PLEC: variants seen among roughly 807,000 people sequenced by gnomAD.
The protein encoded by PLEC is plectin.
A neutral mutation model predicts 392.8 loss-of-function variants in PLEC; 216 were observed. That is an observed-to-expected ratio of 0.55 (90% CI 0.49 to 0.62). The LOEUF is 0.62. PLEC is among the 20% of genes least tolerant of loss of function. PLEC has a pLI of 0.00. For missense variants in PLEC, 6,863 were observed against 6,563.4 expected, an observed-to-expected ratio of 1.05 and a Z score of -1.58; for synonymous variants, 3,621 against 2,980.6, an observed-to-expected ratio of 1.21 and a Z score of -7.00.
chr8:143,938,598 C>T (rs1177335985), intron 2 of PLEC, 33 bp downstream of exon 2: 3 of 1,608,184 alleles, frequency 1.9e-6, no homozygotes, highest in Non-Finnish European at 2.6e-6. Flanking sequence ...ACAGCCTCAG[C>T]CCCTGTGACA....
Position 143,917,674 on chromosome 8 carries a change from C to G in PLEC, c.12147G>C (p.Thr4049=), listed in dbSNP as rs376460999. Residue 4049 remains threonine, a synonymous_variant, in exon 32 of 32, where the codon ACG becomes ACC. Transcript: ENST00000345136. ...TCTCCTCAGGGTCGATGATGCCGCC[C>G]GTGGCGATCTGGGCCTCCAGCAGGC... ...GIRLLEAQIA[T]GGIIDPEESH... 2.5e-6 allele frequency: 4 copies of G among 1,613,624 alleles called. No homozygotes were observed. The highest frequency in any genetic ancestry group is 3.4e-6 in the Non-Finnish European group (4 of 1,180,034).
At chr8:143,963,690 T>A (rs930373618) in intron 1 of PLEC, among the ~76,000 whole-genome samples, 19 of 152,108 alleles carry the variant, frequency 1.2e-4, no homozygotes, top group Non-Finnish European at 2.8e-4. Flanking sequence ...GTTGTTCTTG[T>A]TTTTTTCAAG....
chr8:143,934,622 C>T lies in PLEC; in HGVS notation c.1041+13G>A, dbSNP rs782080343. On this transcript the variant is annotated intron_variant, in intron 10 of 31. Transcript: ENST00000345136. ...TCCAGGACACCACCCACCCCTCCAG[C>T]GGTCCCACTCACCTCCAGGGATTGG... 2.5e-5 allele frequency: 40 copies of T among 1,610,994 alleles called. No individual in the cohort carries two copies. The highest frequency in any genetic ancestry group is 2.4e-4 in the African/African-American group (18 of 74,902).
At position 143,950,363 on chromosome 8, in the gene PLEC, TG is replaced by T. The variant is rs782040592; in HGVS notation, c.343del (p.His115ThrfsTer138). The T allele has an allele frequency of 1.0e-5, 16 of 1,590,088 alleles. No individual in the cohort carries two copies. Among genetic ancestry groups the T allele is most frequent in the Admixed American group, 5.4e-5 (3 of 55,316 alleles). ...CAGGGGACCCTGCACAGCCTGCACG[TG>T]GGGGGTGCGGCGTGCGGGCATCACC... On this transcript the variant is annotated frameshift_variant, in exon 1 of 32. Transcript: ENST00000322810. LOFTEE classifies it high-confidence loss of function.
upstream of PLEC, chr8:143,975,445 C>T: frequency 1.5e-6 from 2 of 1,345,410 alleles, no homozygotes; most frequent in South Asian, 2.4e-5. The surrounding 1 kb of genome is among the most constrained non-coding windows in gnomAD (Gnocchi z 9.9). Context: ...GACCCACCCA[C>T]CACCTTCTTA....
chr8:143,925,941 G>T, intron 30 of PLEC, 57 bp from the exon 31 acceptor site: 1 of 1,498,048 alleles, frequency 6.7e-7, no homozygotes, highest in South Asian at 1.2e-5. Context: ...ACGGGCAGGC[G>T]CTGACGGGGC....
chr8:143,922,868 G>A lies in PLEC; in HGVS notation c.7061C>T (p.Ala2354Val), dbSNP rs370003608. 6.1e-5 allele frequency: 97 copies of A among 1,579,964 alleles called. No homozygotes were observed. In the African/African-American group the frequency reaches 7.6e-4, roughly 12 times the overall value. The change falls in exon 31 of 32, where the codon GCG becomes GTG. Residue 2354 changes from alanine (A) to valine (V), a missense_variant. Transcript: ENST00000345136. ...CTGCGTCTCCTCCGCCAGCTGCTGC[G>A]CCATCTGCTCCTTGTCCTCCTGCAG... ...RRLQEDKEQM[A>V]QQLAEETQGF...
upstream of PLEC, among the ~76,000 whole-genome samples, chr8:143,944,123 C>T (rs552291853): frequency 6.5e-4 from 99 of 152,254 alleles, no homozygotes; most frequent in African/African-American, 2.3e-3. Context: ...CCCTCGCTCC[C>T]CACCCGGCCG....
At position 143,923,194 on chromosome 8, in the gene PLEC, T is replaced by C. The variant is rs149976076; in HGVS notation, c.6735A>G (p.Ala2245=). 16 of 1,602,700 alleles carry C rather than the reference T, an allele frequency of 1.0e-5. No individual in the cohort carries two copies. The East Asian group carries it at 3.6e-4, about 36-fold the overall frequency. Residue 2245 remains alanine, a synonymous_variant, in exon 31 of 32, where the codon GCA becomes GCG. Coordinates refer to ENST00000345136, the MANE Select transcript of PLEC (RefSeq NM_201384.3). ...GTGCGCGGTTCTCAGCCTCGATGCG[T>C]GCCTTGAGCTTGCTCAGCTCCTCCA... is the stretch of plus-strand genomic sequence containing the variant. ...VQMEELSKLK[A]RIEAENRALI...
intron 1 of PLEC, among the ~76,000 whole-genome samples, chr8:143,947,199 C>G (rs1472354100): frequency 6.6e-6 from 1 of 152,234 alleles, no homozygotes; most frequent in East Asian, 1.9e-4. Flanking sequence ...TCCTCCTTGA[C>G]GCAGGGCCAC....
upstream of PLEC, chr8:143,942,428 G>A: frequency 1.2e-6 from 2 of 1,605,014 alleles, no homozygotes; most frequent in Non-Finnish European, 1.7e-6. Context: ...TAGCCCCTGC[G>A]GGCCGGCTCG....
chr8:143,927,058 C>T lies in PLEC; in HGVS notation c.3864G>A (p.Thr1288=), dbSNP rs528663645. ...AIKDYELQLV[T]YKAQLEPVAS... ...CCACCGGCTCAAGCTGCGCCTTGTA[C>T]GTCACCAGCTGGAGTTCATAGTCCT... is the stretch of plus-strand genomic sequence containing the variant. The change falls in exon 29 of 32, where the codon ACG becomes ACA. Residue 1288 remains threonine (T), a synonymous_variant. Coordinates refer to ENST00000345136, the MANE Select transcript of PLEC (RefSeq NM_201384.3). The T allele has an allele frequency of 2.2e-5, 36 of 1,611,630 alleles. No individual in the cohort carries two copies. The highest frequency in any genetic ancestry group is 1.8e-4 in the East Asian group (8 of 44,878).
At chr8:143,953,648 C>G, upstream of PLEC, 1 of 1,480,522 alleles carries the variant, frequency 6.8e-7, no homozygotes, top group Non-Finnish European at 9.3e-7. Context: ...CTGCCCGCCA[C>G]CCTGCGTGGA....
chr8:143,948,093 G>A (rs555349292), intron 1 of PLEC, among the ~76,000 whole-genome samples: 4 of 152,366 alleles, frequency 2.6e-5, no homozygotes, highest in African/African-American at 9.6e-5. Context: ...GTGGACGGAT[G>A]GCTTCCCACA....
Position 143,919,800 on chromosome 8 carries a change from G to C in PLEC, c.10021C>G (p.Leu3341Val). 6.2e-7 allele frequency: 1 copy of C among 1,612,924 alleles called. No individual in the cohort carries two copies. Among genetic ancestry groups the C allele is most frequent in the Non-Finnish European group, 8.5e-7 (1 of 1,179,954 alleles). Residue 3341 changes from leucine (L) to valine (V), a missense_variant, in exon 32 of 32, where the codon CTT becomes GTT. Leu to Val is a conservative substitution (Grantham distance 32). Coordinates refer to ENST00000345136, the MANE Select transcript of PLEC (RefSeq NM_201384.3). ...GTCCGCACGGAGCCCAGCTCCGAAA[G>C]GTCCTTGACCGTCGTCTTGCCGTCC... The part of the protein sequence containing the change: ...LKDGKTTVKD[L>V]SELGSVRTLL...
rs398123399 is a variant in PLEC, at chr8:143,935,985, C to T, written c.465G>A (p.Ser155=). 1,586 of 1,612,608 alleles carry T rather than the reference C, an allele frequency of 9.8e-4. 19 individuals are homozygous for T. In the South Asian group the frequency reaches 0.016, roughly 16 times the overall value. ...GCTTCTCCTTGGCCGTCATGTCCTC[C>T]GACTGCCCACTCACCTGGATATCTG... is the stretch of plus-strand genomic sequence containing the variant. ...QISDIQVSGQ[S]EDMTAKEKLL... is the part of the protein sequence containing the mutation. Residue 155 remains serine (S), a synonymous_variant, in exon 6 of 32, where the codon TCG becomes TCA. Coordinates refer to ENST00000345136, the MANE Select transcript of PLEC (RefSeq NM_201384.3).
upstream of PLEC, among the ~76,000 whole-genome samples, chr8:143,951,906 G>A (rs1413740165): frequency 2.1e-4 from 32 of 152,068 alleles, no homozygotes; most frequent in African/African-American, 7.5e-4. Context: ...CCCACTGAGG[G>A]TCCAGGCATG....
chr8:143,937,551 G>A (rs1223484568), intron 3 of PLEC: 31 of 507,046 alleles, frequency 6.1e-5, no homozygotes, highest in Non-Finnish European at 9.1e-5. Flanking sequence ...CCTGCCTGGC[G>A]GTGGCAGCCA....
In PLEC at chr8:143,916,502, G is replaced by A. The variant is rs781890438; in HGVS notation, c.13319C>T (p.Thr4440Ile). ...GTCCTTATAGGAGATCTTGAGCTTG[G>A]TCTTAGGGCAGGTGAGGTACTTGGA... ...AYSKYLTCPK[T>I]KLKISYKDAL... Residue 4440 changes from threonine (T) to isoleucine (I), a missense_variant, in exon 32 of 32, where the codon ACC (threonine) becomes ATC (isoleucine). By Grantham distance (89) the Thr-to-Ile change is moderately conservative (BLOSUM62 -1). Transcript: ENST00000345136. 5 of 1,611,904 alleles carry A rather than the reference G, an allele frequency of 3.1e-6. No individual in the cohort carries two copies. The highest frequency in any genetic ancestry group is 4.2e-6 in the Non-Finnish European group (5 of 1,179,490).
Sources: gnomAD v4.1 joint callset for allele counts (sites outside exome capture counted in the v4.1 genomes callset) on GRCh38, gnomAD v4.1.1 for gene constraint, Gnocchi (gnomAD v3.1) non-coding constraint, MANE v1.5 for transcripts, NCBI Gene and HGNC (gene_info 2026-07-23, HGNC 2026-07-21) for gene names.